PDZRN4: variants seen among roughly 807,000 people sequenced by gnomAD.
The protein encoded by PDZRN4 is PDZ domain containing ring finger 4.
Under a neutral mutation model 99.0 loss-of-function variants are expected in PDZRN4, and 70 were observed. The ratio of observed to expected loss-of-function variants is 0.71; its 90% CI spans 0.58 to 0.86. PDZRN4 has a LOEUF of 0.86. PDZRN4 is among the 40% of genes least tolerant of loss of function. PDZRN4 has a pLI of 0.00. For missense variants in PDZRN4, 1,474 were observed against 1,331.2 expected (o/e 1.11, Z -1.67); for synonymous variants, 551 against 501.6 (o/e 1.10, Z -1.32).
chr12:41,543,541 T>C (rs900045100), intron 5 of PDZRN4, among the ~76,000 whole-genome samples: 1 of 152,170 alleles, frequency 6.6e-6, no homozygotes, highest in African/African-American at 2.4e-5. Flanking sequence ...AAAAAGGAGT[T>C]TTATTGGCTC....
intron 3 of PDZRN4, among the ~76,000 whole-genome samples, chr12:41,214,430 T>TAAAAAACAAAA (rs1950907701): frequency 2.9e-5 from 1 of 34,078 alleles, no homozygotes; most frequent in African/African-American, 8.3e-5. Flanking sequence ...CCCTGTCCCC[T>TAAAAAACAAAA]AAAAAAAAAA....
intron 3 of PDZRN4, among the ~76,000 whole-genome samples, chr12:41,358,255 A>G (rs1290429929): frequency 6.6e-6 from 1 of 151,968 alleles, no homozygotes; most frequent in Non-Finnish European, 1.5e-5. Flanking sequence ...CACCCCAACT[A>G]GTTATGTATG....
chr12:41,363,606 T>C (rs181212403), intron 3 of PDZRN4, among the ~76,000 whole-genome samples: 8 of 152,180 alleles, frequency 5.3e-5, no homozygotes, highest in Non-Finnish European at 4.4e-5. Flanking sequence ...CTGTTAAGGA[T>C]GCATTTATTC....
chr12:41,190,751 C>T (rs1267033001), intron 1 of PDZRN4, among the ~76,000 whole-genome samples: 2 of 152,152 alleles, frequency 1.3e-5, no homozygotes, highest in East Asian at 1.9e-4. Context: ...TGAATAAACC[C>T]ACCTAGTCCA....
intron 3 of PDZRN4, among the ~76,000 whole-genome samples, chr12:41,407,596 C>G (rs1209435963): frequency 6.6e-6 from 1 of 152,038 alleles, no homozygotes; most frequent in Non-Finnish European, 1.5e-5. Flanking sequence ...TGTTGTGATT[C>G]TCGTGCCAGC....
At chr12:41,306,086 A>G (rs1951567492) in intron 3 of PDZRN4, among the ~76,000 whole-genome samples, 1 of 152,232 alleles carries the variant, frequency 6.6e-6, no homozygotes, top group African/African-American at 2.4e-5. Flanking sequence ...CTGAAACTTA[A>G]CAAGGCAAAT....
intron 3 of PDZRN4, chr12:41,459,952 A>G (rs1400451813): frequency 1.6e-6 from 2 of 1,274,632 alleles, no homozygotes; most frequent in African/African-American, 3.1e-5. Flanking sequence ...TTGTTTCAGG[A>G]GCTGTGACTT....
At chr12:41,487,225 G>A (rs1390642429) in intron 3 of PDZRN4, among the ~76,000 whole-genome samples, 1 of 151,282 alleles carries the variant, frequency 6.6e-6, no homozygotes, top group Non-Finnish European at 1.5e-5. Context: ...CTAGAACAAG[G>A]TCTGGCACAT....
chr12:41,235,195 A>T (rs1231740809), intron 3 of PDZRN4, among the ~76,000 whole-genome samples: 1 of 152,180 alleles, frequency 6.6e-6, no homozygotes, highest in Admixed American at 6.6e-5. Flanking sequence ...CTTTTAAAGT[A>T]GTACAATCAA....
chr12:41,526,464 C>G (rs1370459281), intron 5 of PDZRN4, among the ~76,000 whole-genome samples: 1 of 152,174 alleles, frequency 6.6e-6, no homozygotes, highest in Non-Finnish European at 1.5e-5. Context: ...AAGGATTTCT[C>G]ATAATTTCCA....
At chr12:41,370,977 A>G (rs1159954165) in intron 3 of PDZRN4, among the ~76,000 whole-genome samples, 1 of 151,454 alleles carries the variant, frequency 6.6e-6, no homozygotes, top group Non-Finnish European at 1.5e-5. Context: ...AGATTCCTCT[A>G]TTATATGCAC....
intron 3 of PDZRN4, among the ~76,000 whole-genome samples, chr12:41,471,403 A>G (rs114134306): frequency 0.012 from 1,769 of 152,242 alleles, 28 homozygotes; most frequent in African/African-American, 0.041. Flanking sequence ...TTGAAAATAT[A>G]TTAGGATAGC....
chr12:41,266,298 G>A (rs1291124731), intron 3 of PDZRN4, among the ~76,000 whole-genome samples: 1 of 6,458 alleles, frequency 1.5e-4, no homozygotes, highest in African/African-American at 5.4e-4. Context: ...GCGACAGAGC[G>A]AGACTCCGTC....
chr12:41,189,920 G>C (rs1366407972), intron 1 of PDZRN4, among the ~76,000 whole-genome samples: 1 of 152,126 alleles, frequency 6.6e-6, no homozygotes, highest in East Asian at 1.9e-4. Flanking sequence ...CCCGAACTGC[G>C]CTCCTGGTCC....
intron 3 of PDZRN4, among the ~76,000 whole-genome samples, chr12:41,331,514 A>AG (rs1222761728): frequency 6.6e-6 from 1 of 152,204 alleles, no homozygotes; most frequent in East Asian, 1.9e-4. Flanking sequence ...ATGTGAAAGG[A>AG]GGGAAAAAAA....
Position 41,513,046 on chromosome 12 carries a change from C to T in PDZRN4, c.1203+3133C>T, listed in dbSNP as rs146414824. ...TTTTTAAAGACCTACTTACTATTAA[C>T]TCAGTGAACCAAAGCTGATCTGTGT... On this transcript the variant is annotated intron_variant, in intron 5 of 9. Transcript: ENST00000402685. Among the ~76,000 whole-genome samples, 17 of 152,142 alleles carry T rather than the reference C, an allele frequency of 1.1e-4. No homozygotes were observed. In the East Asian group the frequency reaches 3.3e-3, roughly 30 times the overall value.
intron 3 of PDZRN4, among the ~76,000 whole-genome samples, chr12:41,329,626 G>A (rs1294685573): frequency 6.6e-6 from 1 of 151,986 alleles, no homozygotes; most frequent in Non-Finnish European, 1.5e-5. Context: ...ATGTTAATGT[G>A]CATTTTTTCT....
intron 3 of PDZRN4, among the ~76,000 whole-genome samples, chr12:41,452,116 C>CAAA (rs34095768): frequency 0.02 from 2,856 of 142,762 alleles, 61 homozygotes; most frequent in East Asian, 0.088. Context: ...GAATAAGAGA[C>CAAA]AAAAAAAAAA....
In PDZRN4 at chr12:41,359,211, A is replaced by T. The variant is rs1280180342; in HGVS notation, c.844-147245A>T. Among the ~76,000 whole-genome samples the T allele has an allele frequency of 5.9e-5, 9 of 152,100 alleles. No homozygotes were observed. The East Asian group carries it at 1.7e-3, about 30-fold the overall frequency. ...TTTTATTCTTAGAAGGAAAGAGCTGATTAATTGTATTATGGTTGAGAAGGG... is the reference window on the plus strand; with the variant it reads ...TTTTATTCTTAGAAGGAAAGAGCTGTTTAATTGTATTATGGTTGAGAAGGG... On this transcript the variant is annotated intron_variant, in intron 3 of 9. Coordinates refer to ENST00000402685, the MANE Select transcript of PDZRN4 (RefSeq NM_001164595.2).
Sources: gnomAD v4.1 joint callset for allele counts (sites outside exome capture counted in the v4.1 genomes callset) on GRCh38, gnomAD v4.1.1 for gene constraint, MANE v1.5 for transcripts, NCBI Gene and HGNC (gene_info 2026-07-23, HGNC 2026-07-21) for gene names.